WNT3: variants seen among roughly 807,000 people sequenced by gnomAD.
The protein encoded by WNT3 is proto-oncogene Wnt-3.
A neutral mutation model predicts 34.2 loss-of-function variants in WNT3; 7 were observed. The ratio of observed to expected loss-of-function variants is 0.20; its 90% CI spans 0.12 to 0.38. WNT3 has a LOEUF of 0.38. Ranked by LOEUF, WNT3 falls within the 10% of genes least tolerant of loss-of-function variation. The probability of loss-of-function intolerance (pLI) is 1.00; values close to 1 mark genes in which losing one functional copy is unlikely to be tolerated. For synonymous variants in WNT3, 212 were observed against 211.5 expected, an observed-to-expected ratio of 1.00 and a Z score of -0.02; for missense variants, 267 against 499.8, an observed-to-expected ratio of 0.53 and a Z score of 4.44.
intron 1 of WNT3, among the ~76,000 whole-genome samples, chr17:46,783,664 G>A (rs914455057): frequency 6.6e-6 from 1 of 152,176 alleles, no homozygotes; most frequent in African/African-American, 2.4e-5. Flanking sequence ...CTCTAGGAAC[G>A]GGGGCAAGTG....
At chr17:46,776,935 T>C (rs2059417328) in intron 1 of WNT3, among the ~76,000 whole-genome samples, 1 of 152,122 alleles carries the variant, frequency 6.6e-6, no homozygotes, top group Non-Finnish European at 1.5e-5. Context: ...CAGCCCTTGC[T>C]TGACACCTTC....
At chr17:46,770,951 G>T (rs2059361210) in intron 2 of WNT3, among the ~76,000 whole-genome samples, 1 of 152,244 alleles carries the variant, frequency 6.6e-6, no homozygotes, top group Non-Finnish European at 1.5e-5. Flanking sequence ...CCCGGGAGCC[G>T]GAGGTGACTC....
intron 1 of WNT3, among the ~76,000 whole-genome samples, chr17:46,804,044 T>C (rs1332211408): frequency 1.3e-5 from 2 of 152,004 alleles, no homozygotes; most frequent in Non-Finnish European, 2.9e-5. Flanking sequence ...TTGACTTGCA[T>C]ATTTGTCTTC....
At chr17:46,779,104 C>CACACACACACACACACACACACACA (rs1555683622) in intron 1 of WNT3, among the ~76,000 whole-genome samples, 7 of 130,824 alleles carry the variant, frequency 5.4e-5, no homozygotes, top group Admixed American at 1.6e-4. Flanking sequence ...CACACACACA[C>CACACACACACACACACACACACACA]CCCAGCCCAC....
At chr17:46,810,857 T>C (rs1167926564) in intron 1 of WNT3, among the ~76,000 whole-genome samples, 2 of 152,246 alleles carry the variant, frequency 1.3e-5, no homozygotes, top group East Asian at 1.9e-4. Context: ...AATATCAAGA[T>C]GGTGGCAGAG....
rs979515174 is a variant in WNT3, at chr17:46,818,643, G to C, written c.-46C>G. The C allele has an allele frequency of 8.6e-6, 13 of 1,517,110 alleles. No homozygotes were observed. The highest frequency in any genetic ancestry group is 1.1e-5 in the Non-Finnish European group (12 of 1,111,890). The allele number at this position is 1,517,110 out of a possible 1,614,324, so 94.0% of individuals were successfully genotyped here. A position where few individuals can be genotyped will look rare whatever the true frequency, so the allele number is the denominator to read the frequency against. ...AAGTTTGCCCGCGACCATGAAGAGG[G>C]GGAGCGACGCCCCCAATAGTTGGAA... On this transcript the variant is annotated 5_prime_UTR_variant, in exon 1 of 5. Coordinates refer to ENST00000225512, the MANE Select transcript of WNT3 (RefSeq NM_030753.5).
intron 1 of WNT3, among the ~76,000 whole-genome samples, chr17:46,789,642 G>T (rs760374093): frequency 6.6e-6 from 1 of 152,214 alleles, no homozygotes; most frequent in Non-Finnish European, 1.5e-5. Context: ...ACACCATGGG[G>T]AAGCAACTGG....
At chr17:46,816,814 CAG>C (rs1197411189) in intron 1 of WNT3, among the ~76,000 whole-genome samples, 1 of 152,174 alleles carries the variant, frequency 6.6e-6, no homozygotes, top group Non-Finnish European at 1.5e-5. Context: ...CCCAACCCAC[CAG>C]AGTCTCTGCG....
chr17:46,787,472 C>T (rs894007367), intron 1 of WNT3, among the ~76,000 whole-genome samples: 1 of 152,292 alleles, frequency 6.6e-6, no homozygotes, highest in Admixed American at 6.5e-5. Flanking sequence ...CCCAGGGAAG[C>T]GATGTGCCTT....
In WNT3 at chr17:46,773,706, T is replaced by C; in HGVS notation, c.284A>G (p.Asp95Gly). The C allele has an allele frequency of 7.1e-7, 1 of 1,416,944 alleles. No homozygotes were observed. Among genetic ancestry groups the C allele is most frequent in the South Asian group, 1.1e-5 (1 of 88,912 alleles). The allele number at this position is 1,416,944 out of a possible 1,614,324, so 87.8% of individuals were successfully genotyped here. A position where few individuals can be genotyped will look rare whatever the true frequency, so the allele number is the denominator to read the frequency against. The stretch of plus-strand genomic sequence containing the variant: ...GGGCCCAAAGATGGCCAGGCTGTCA[T>C]CTATGGTGGTGCAGTTCCAGCGGCG... The part of the protein sequence containing the change: ...RGRRWNCTTI[D>G]DSLAIFGPVL... The change falls in exon 2 of 5, where the codon GAT becomes GGT. Residue 95 changes from aspartate to glycine, a missense_variant. Physicochemically the swap from Asp to Gly is moderately conservative, Grantham distance 94. Around this residue, in one of 3 missense-constraint regions of WNT3, gnomAD observed 181 missense variants for 391.3 expected, o/e 0.46. Coordinates refer to ENST00000225512, the MANE Select transcript of WNT3 (RefSeq NM_030753.5).
chr17:46,791,723 G>A (rs2146424441), intron 1 of WNT3, among the ~76,000 whole-genome samples: 1 of 152,350 alleles, frequency 6.6e-6, no homozygotes. Context: ...TCTTCTGGGG[G>A]AAACACACGT....
At chr17:46,812,215 C>T (rs534776761) in intron 1 of WNT3, among the ~76,000 whole-genome samples, 1 of 152,270 alleles carries the variant, frequency 6.6e-6, no homozygotes, top group African/African-American at 2.4e-5. Context: ...CCCTCTCTGG[C>T]AGCGGGATAA....
intron 2 of WNT3, 56 bp from the exon 3 acceptor site, chr17:46,770,104 C>A: frequency 6.7e-7 from 1 of 1,489,754 alleles, no homozygotes; most frequent in Non-Finnish European, 8.9e-7. Context: ...AGCGCCTGCC[C>A]TGCCTCCACC....
chr17:46,776,317 G>A (rs1339965513), intron 1 of WNT3, among the ~76,000 whole-genome samples: 1 of 152,198 alleles, frequency 6.6e-6, no homozygotes, highest in African/African-American at 2.4e-5. Flanking sequence ...ATGGGCACAC[G>A]GCGCACACAG....
chr17:46,799,975 G>T lies in WNT3; in HGVS notation c.80+18543C>A, dbSNP rs12944589. Among the ~76,000 whole-genome samples the T allele has an allele frequency of 9.2e-3, 1,400 of 152,302 alleles. 23 individuals are homozygous for T. Among genetic ancestry groups the T allele is most frequent in the African/African-American group, 0.032 (1,321 of 41,558 alleles). On this transcript the variant is annotated intron_variant, in intron 1 of 4. Coordinates refer to ENST00000225512, the MANE Select transcript of WNT3 (RefSeq NM_030753.5). ...TTGCCTCCCCACACCAAGGTTAGAT[G>T]CCCAGAGCCGGACTTCCTGGGAGAT...
At chr17:46,783,867 C>G (rs1289318472) in intron 1 of WNT3, among the ~76,000 whole-genome samples, 1 of 152,232 alleles carries the variant, frequency 6.6e-6, no homozygotes, top group Non-Finnish European at 1.5e-5. Context: ...CCCTGAGTGC[C>G]AGACATTATT....
At chr17:46,773,232 G>T (rs2059388746) in intron 2 of WNT3, among the ~76,000 whole-genome samples, 1 of 152,108 alleles carries the variant, frequency 6.6e-6, no homozygotes, top group African/African-American at 2.4e-5. Flanking sequence ...AGGGGCTCTT[G>T]GGGGCAACGC....
intron 1 of WNT3, among the ~76,000 whole-genome samples, chr17:46,785,029 G>A (rs1002131693): frequency 6.6e-6 from 1 of 151,956 alleles, no homozygotes; most frequent in East Asian, 1.9e-4. Context: ...TGCCCGCCTT[G>A]GCCTCCCAAA....
intron 1 of WNT3, among the ~76,000 whole-genome samples, chr17:46,785,635 G>A (rs1015300285): frequency 1.3e-5 from 2 of 152,324 alleles, no homozygotes; most frequent in Non-Finnish European, 1.5e-5. Flanking sequence ...GGGGCCTTCC[G>A]AGGAGGTGGC....
Sources: allele counts gnomAD v4.1 joint callset (sites outside exome capture counted in the v4.1 genomes callset), GRCh38; gene constraint gnomAD v4.1.1; regional missense constraint gnomAD v4.1.1; transcripts MANE v1.5; gene names NCBI Gene and HGNC (gene_info 2026-07-23, HGNC 2026-07-21).